Variants in FAM177A1 observed in about 807,000 individuals in gnomAD.
The protein encoded by FAM177A1 is protein FAM177A1.
Under a neutral mutation model 26.1 loss-of-function variants are expected in FAM177A1, and 22 were observed. The ratio of observed to expected loss-of-function variants is 0.84; its 90% CI spans 0.60 to 1.20. The LOEUF (loss-of-function observed/expected upper bound fraction) is 1.20, where lower values mean the gene tolerates loss of function less well. Ranked by LOEUF, FAM177A1 falls within the 50% of genes most tolerant of loss-of-function variation. FAM177A1 has a pLI of 0.00. For synonymous variants in FAM177A1, 95 were observed against 99.3 expected (o/e 0.96, Z 0.26); for missense variants, 296 against 291.1 (o/e 1.02, Z -0.12).
intron 2 of FAM177A1, among the ~76,000 whole-genome samples, chr14:35,071,549 CT>C (rs914423584): frequency 1.1e-4 from 16 of 151,606 alleles, no homozygotes; most frequent in East Asian, 3.9e-4. Context: ...CTAGCTACTT[CT>C]TTTTTTTGAT....
At chr14:35,078,841 T>A (rs2045435572) in intron 3 of FAM177A1, 86 bp from the exon 4 acceptor site, 3 of 859,394 alleles carry the variant, frequency 3.5e-6, no homozygotes, top group Non-Finnish European at 5.1e-6. Context: ...ACAGTAACTC[T>A]TGTATTCCTA....
intron 2 of FAM177A1, among the ~76,000 whole-genome samples, chr14:35,060,869 G>C (rs149796836): frequency 6.6e-6 from 1 of 152,098 alleles, no homozygotes; most frequent in African/African-American, 2.4e-5. Context: ...TCACCGTTCT[G>C]AGTAGCATCA....
chr14:35,046,048 T>C (rs2139050178), upstream of FAM177A1: 1 of 158,620 alleles, frequency 6.3e-6, no homozygotes, highest in Non-Finnish European at 1.4e-5. Context: ...ATTTTACAAG[T>C]GCAAAAACCG....
At chr14:35,066,393 AG>A (rs2045241229) in intron 2 of FAM177A1, among the ~76,000 whole-genome samples, 1 of 147,826 alleles carries the variant, frequency 6.8e-6, no homozygotes, top group African/African-American at 2.5e-5. Context: ...TGTTTAAAGT[AG>A]TAAAAGAGCA....
Position 35,077,036 on chromosome 14 carries a change from G to A in FAM177A1, c.340-114G>A, listed in dbSNP as rs1268415844. 1.7e-5 allele frequency: 13 copies of A among 785,524 alleles called. No individual in the cohort carries two copies. The Admixed American group carries it at 2.6e-4, about 16-fold the overall frequency. The allele number at this position is 785,524 out of a possible 1,614,324, so 48.7% of individuals were successfully genotyped here. On this transcript the variant is annotated intron_variant, in intron 2 of 4. Transcript: ENST00000280987. ...TTGATTGGATTGCAGTCTCTTTGTAGTACTGCCTATAGAATATTCTCGGTG... is the reference window on the plus strand; with the variant it reads ...TTGATTGGATTGCAGTCTCTTTGTAATACTGCCTATAGAATATTCTCGGTG...
intron 2 of FAM177A1, among the ~76,000 whole-genome samples, chr14:35,075,661 C>G (rs1158589687): frequency 6.6e-6 from 1 of 152,130 alleles, no homozygotes; most frequent in African/African-American, 2.4e-5. Context: ...AGTGAACAGG[C>G]AACCTACAGA....
chr14:35,067,045 G>A (rs1444850889), intron 2 of FAM177A1, among the ~76,000 whole-genome samples: 1 of 152,110 alleles, frequency 6.6e-6, no homozygotes, highest in Admixed American at 6.6e-5. Context: ...GCCCACCCTG[G>A]CCTCCCGAAG....
chr14:35,047,278 A>T (rs986164860), intron 1 of FAM177A1, among the ~76,000 whole-genome samples: 1 of 152,254 alleles, frequency 6.6e-6, no homozygotes, highest in African/African-American at 2.4e-5. Context: ...ATTTCAACCT[A>T]AAATTACTAT....
intron 2 of FAM177A1, among the ~76,000 whole-genome samples, chr14:35,070,114 CAAAAAAAAAAAAAAAAAAAAAAA>C (rs746133319): frequency 2.2e-3 from 119 of 53,862 alleles, no homozygotes; most frequent in African/African-American, 9.4e-3. Context: ...GACTCTGTCT[CAAAAAAAAAAAAAAAAAAAAAAA>C]AAAAAAAAAA....
At chr14:35,063,159 CAAAA>C (rs1247353359) in intron 2 of FAM177A1, among the ~76,000 whole-genome samples, 2 of 57,852 alleles carry the variant, frequency 3.5e-5, no homozygotes, top group African/African-American at 6.7e-5. Flanking sequence ...GACTCCATCT[CAAAA>C]AAAAAAAAAA....
chr14:35,077,962 G>A (rs1566676019), intron 3 of FAM177A1, among the ~76,000 whole-genome samples: 1 of 152,004 alleles, frequency 6.6e-6, no homozygotes, highest in Non-Finnish European at 1.5e-5. Context: ...CATATTTGAA[G>A]GAAATGAATT....
At chr14:35,059,002 C>T (rs1461714151) in intron 2 of FAM177A1, among the ~76,000 whole-genome samples, 1 of 152,004 alleles carries the variant, frequency 6.6e-6, no homozygotes. Context: ...GTGGCATGAT[C>T]TCGGCTCACT....
In FAM177A1 at chr14:35,047,779, CAACAAAA is replaced by C. The variant is rs1371718605; in HGVS notation, c.165+1154_165+1160del. Among the ~76,000 whole-genome samples, 92 of 52,034 alleles carry C rather than the reference CAACAAAA, an allele frequency of 1.8e-3. No individual in the cohort carries two copies. In the South Asian group the frequency reaches 0.029, roughly 16 times the overall value. 34.1% of individuals were successfully genotyped at this position (52,034 alleles called of 152,430 possible). ...GCAACAACAACAACAACAACAACAA[CAACAAAA>C]AAAAAACCCTTGAGTTGCTCATGTA... On this transcript the variant is annotated intron_variant, in intron 1 of 4. Transcript: ENST00000280987.
chr14:35,054,886 A>G (rs960792061), intron 2 of FAM177A1: 6 of 152,336 alleles, frequency 3.9e-5, no homozygotes, highest in African/African-American at 1.4e-4. Flanking sequence ...CTGAGGCAGG[A>G]GAATCGCTTG....
intron 2 of FAM177A1, among the ~76,000 whole-genome samples, chr14:35,061,465 T>TG (rs1190549553): frequency 6.0e-5 from 9 of 149,102 alleles, no homozygotes; most frequent in African/African-American, 9.7e-5. Flanking sequence ...TTTAAGTATT[T>TG]TTTTTTTTTT....
intron 2 of FAM177A1, among the ~76,000 whole-genome samples, chr14:35,055,338 A>G (rs1001473807): frequency 2.3e-4 from 11 of 46,840 alleles, no homozygotes; most frequent in African/African-American, 6.1e-4. Flanking sequence ...CTACACAGAA[A>G]ATATTCAAAG....
At chr14:35,068,754 A>G (rs2045275109) in intron 2 of FAM177A1, among the ~76,000 whole-genome samples, 1 of 152,214 alleles carries the variant, frequency 6.6e-6, no homozygotes, top group Non-Finnish European at 1.5e-5. Flanking sequence ...GGTAATTAAT[A>G]AAGAACAGAA....
Position 35,048,914 on chromosome 14 carries a change from G to A in FAM177A1, c.165+2286G>A, listed in dbSNP as rs1024416113. ...TTCTTTTTTTTTTTTTTTTTAAGAC[G>A]GAGTCTCACTCTGTGGCCCAGGCTG... On this transcript the variant is annotated intron_variant, in intron 1 of 4. Transcript: ENST00000280987. Among the ~76,000 whole-genome samples the A allele has an allele frequency of 1.1e-3, 163 of 149,048 alleles. 1 individual carries two copies. Among genetic ancestry groups the A allele is most frequent in the African/African-American group, 3.7e-3 (149 of 40,522 alleles).
Position 35,046,375 on chromosome 14 carries a change from G to C in FAM177A1, c.-89G>C. 7 of 1,352,214 alleles carry C rather than the reference G, an allele frequency of 5.2e-6. No individual in the cohort carries two copies. Among genetic ancestry groups the C allele is most frequent in the Non-Finnish European group, 6.7e-6 (7 of 1,038,758 alleles). 83.8% of individuals were successfully genotyped at this position (1,352,214 alleles called of 1,614,324 possible). On this transcript the variant is annotated 5_prime_UTR_variant, in exon 1 of 5. Coordinates refer to ENST00000280987, the MANE Select transcript of FAM177A1 (RefSeq NM_173607.5). The stretch of plus-strand genomic sequence containing the variant: ...GGCGAGTCCCCTTCTCAGAGACTTG[G>C]CTAGGCGCGGCGCGAGGCGGGCGCT...
Sources: allele counts gnomAD v4.1 joint callset (sites outside exome capture counted in the v4.1 genomes callset), GRCh38; gene constraint gnomAD v4.1.1; transcripts MANE v1.5; gene names NCBI Gene and HGNC (gene_info 2026-07-23, HGNC 2026-07-21).